Variants in NRG4 observed in about 807,000 individuals in gnomAD.
The protein encoded by NRG4 is pro-neuregulin-4, membrane-bound isoform.
NRG4 carries 10 observed loss-of-function variants against 15.0 expected under a neutral mutation model. The observed-to-expected ratio is 0.67, with a 90% CI of 0.41 to 1.13. The LOEUF is 1.13. NRG4 is among the 50% of genes most tolerant of loss of function. The pLI is 0.00. For missense variants in NRG4, 139 were observed against 140.2 expected (o/e 0.99, Z 0.04); for synonymous variants, 41 against 50.1 (o/e 0.82, Z 0.77).
At chr15:75,954,823 G>T (rs572805420) in intron 5 of NRG4, among the ~76,000 whole-genome samples, 2 of 151,848 alleles carry the variant, frequency 1.3e-5, no homozygotes, top group Admixed American at 6.6e-5. Flanking sequence ...CACCTGTTGG[G>T]TACTAGCTAT....
intron 3 of NRG4, among the ~76,000 whole-genome samples, chr15:75,972,589 G>A (rs13135281): frequency 6.6e-6 from 1 of 152,158 alleles, no homozygotes; most frequent in Non-Finnish European, 1.5e-5. Context: ...TCTGCCTATG[G>A]CTATCCAGTT....
Position 75,942,466 on chromosome 15 carries a change from A to C in NRG4, c.*1172T>G, listed in dbSNP as rs187149284. On this transcript the variant is annotated 3_prime_UTR_variant, in exon 6 of 6. Transcript: ENST00000394907. Reference sequence around the variant, plus strand: ...TAGGGGAACTCTATACTATCTGCTCAGTTTTTCTGAAAATCTAAAACTTCT... The same window carrying C: ...TAGGGGAACTCTATACTATCTGCTCCGTTTTTCTGAAAATCTAAAACTTCT... 6.6e-6 allele frequency: 1 copy of C among 152,210 alleles called. No homozygotes were observed. Among genetic ancestry groups the C allele is most frequent in the Non-Finnish European group, 1.5e-5 (1 of 68,040 alleles). 9.4% of individuals were successfully genotyped at this position (152,210 alleles called of 1,614,324 possible).
At chr15:76,039,524 G>T (rs544980888) in intron 4 of NRG4, among the ~76,000 whole-genome samples, 1 of 152,242 alleles carries the variant, frequency 6.6e-6, no homozygotes, top group African/African-American at 2.4e-5. Flanking sequence ...TCAAGCATAA[G>T]ACAGAATTTG....
chr15:75,943,569 T>A lies in NRG4; in HGVS notation c.*69A>T. ...TAAAGGATTAGATTTTTAATTCTTTTACCTAGTGGTGTTTCATTTTCTGCC... is the reference window on the plus strand; with the variant it reads ...TAAAGGATTAGATTTTTAATTCTTTAACCTAGTGGTGTTTCATTTTCTGCC... On this transcript the variant is annotated 3_prime_UTR_variant, in exon 6 of 6. Coordinates refer to ENST00000394907, the MANE Select transcript of NRG4 (RefSeq NM_138573.4). The A allele has an allele frequency of 2.2e-6, 2 of 898,280 alleles. No homozygotes were observed. Among genetic ancestry groups the A allele is most frequent in the South Asian group, 2.8e-5 (2 of 70,862 alleles). The allele number at this position is 898,280 out of a possible 1,614,324, so 55.6% of individuals were successfully genotyped here. A position where few individuals can be genotyped will look rare whatever the true frequency, so the allele number is the denominator to read the frequency against.
chr15:75,948,771 T>C (rs1422009731), intron 5 of NRG4, among the ~76,000 whole-genome samples: 1 of 151,958 alleles, frequency 6.6e-6, no homozygotes, highest in African/African-American at 2.4e-5. Context: ...GTAATTCAGC[T>C]GAGCACAGTG....
chr15:75,991,070 C>G (rs993954224), intron 3 of NRG4, among the ~76,000 whole-genome samples: 1 of 152,000 alleles, frequency 6.6e-6, no homozygotes, highest in African/African-American at 2.4e-5. Context: ...AGGAGTTTTT[C>G]TAGACATCTT....
intron 5 of NRG4, among the ~76,000 whole-genome samples, chr15:76,025,063 C>G (rs1257930018): frequency 6.6e-6 from 1 of 152,092 alleles, no homozygotes; most frequent in Non-Finnish European, 1.5e-5. Context: ...AGTAAGATTC[C>G]AATCATAAGG....
chr15:76,047,734 CAAAA>C, intron 4 of NRG4, among the ~76,000 whole-genome samples: 1 of 149,348 alleles, frequency 6.7e-6, no homozygotes, highest in South Asian at 2.1e-4. Flanking sequence ...TATTTTACCT[CAAAA>C]AAAGTGAAAA....
chr15:76,041,785 A>C (rs150221896), intron 4 of NRG4, among the ~76,000 whole-genome samples: 2,245 of 152,220 alleles, frequency 0.015, 63 homozygotes, highest in African/African-American at 0.051. Flanking sequence ...GACAGAAAAT[A>C]AACAAAGAAA....
At position 75,943,070 on chromosome 15, in the gene NRG4, A is replaced by G. The variant is rs1216422407; in HGVS notation, c.*568T>C. On this transcript the variant is annotated 3_prime_UTR_variant, in exon 6 of 6. Coordinates refer to ENST00000394907, the MANE Select transcript of NRG4 (RefSeq NM_138573.4). ...TTTTGGGTTTTTGTTTCTTCCTTTGAGAGACAGATCCTTGAAATCAGTCAC... is the reference window on the plus strand; with the variant it reads ...TTTTGGGTTTTTGTTTCTTCCTTTGGGAGACAGATCCTTGAAATCAGTCAC... The G allele has an allele frequency of 5.3e-5, 8 of 152,216 alleles. No homozygotes were observed. The highest frequency in any genetic ancestry group is 1.9e-4 in the African/African-American group (8 of 41,442). 9.4% of individuals were successfully genotyped at this position (152,216 alleles called of 1,614,324 possible).
chr15:75,997,056 T>C (rs947926122), intron 3 of NRG4, among the ~76,000 whole-genome samples: 1 of 152,122 alleles, frequency 6.6e-6, no homozygotes, highest in Admixed American at 6.5e-5. Flanking sequence ...TAATACTTAG[T>C]AGACTAAGAA....
chr15:75,965,884 C>T (rs1371128052), intron 3 of NRG4, among the ~76,000 whole-genome samples: 16 of 152,182 alleles, frequency 1.1e-4, no homozygotes. Flanking sequence ...AGCTCTCAGT[C>T]TTTATGTAAG....
chr15:75,936,498 G>A (rs2030351117), downstream of NRG4: 1 of 152,100 alleles, frequency 6.6e-6, no homozygotes, highest in East Asian at 1.9e-4. Context: ...CACAACTGAA[G>A]ACAGGTTACA....
chr15:75,957,078 T>TC (rs898062958), intron 4 of NRG4, among the ~76,000 whole-genome samples: 14 of 152,098 alleles, frequency 9.2e-5, no homozygotes, highest in African/African-American at 3.4e-4. Flanking sequence ...ATATTTATCC[T>TC]CCCCCCATAC....
chr15:76,054,166 C>T (rs957221922), intron 2 of NRG4, among the ~76,000 whole-genome samples: 2 of 150,530 alleles, frequency 1.3e-5, no homozygotes, highest in South Asian at 4.2e-4. Context: ...TGGCTTACTG[C>T]AACCTCTGCC....
chr15:76,019,750 G>A (rs992908840), intron 5 of NRG4, among the ~76,000 whole-genome samples: 17 of 152,110 alleles, frequency 1.1e-4, no homozygotes, highest in Admixed American at 8.5e-4. Flanking sequence ...CTTCTGTGTT[G>A]ATCTCGCTGG....
intron 4 of NRG4, among the ~76,000 whole-genome samples, chr15:76,044,576 C>CT (rs2035824944): frequency 6.7e-6 from 1 of 150,014 alleles, no homozygotes. Flanking sequence ...TGGCTCACAC[C>CT]TGTAATCCCA....
chr15:76,020,707 G>T (rs561768464), intron 5 of NRG4, among the ~76,000 whole-genome samples: 34 of 152,278 alleles, frequency 2.2e-4, no homozygotes, highest in Non-Finnish European at 3.4e-4. Flanking sequence ...ACGCGCCAGG[G>T]TTGGACAAGC....
chr15:76,030,190 C>T (rs768912923), intron 5 of NRG4, among the ~76,000 whole-genome samples: 7 of 152,054 alleles, frequency 4.6e-5, no homozygotes, highest in East Asian at 1.9e-4. Flanking sequence ...ACCCAGGAGG[C>T]GGAGGTTGCA....
Sources: allele counts gnomAD v4.1 joint callset (sites outside exome capture counted in the v4.1 genomes callset), GRCh38; gene constraint gnomAD v4.1.1; transcripts MANE v1.5; gene names NCBI Gene and HGNC (gene_info 2026-07-23, HGNC 2026-07-21).